PSMA1: variants seen among roughly 807,000 people sequenced by gnomAD.
PSMA1 encodes the protein proteasome subunit alpha type-1.
In PSMA1, 3 loss-of-function variants were observed where a neutral mutation model predicts 38.4. The ratio of observed to expected loss-of-function variants is 0.08; its 90% CI spans 0.04 to 0.20. The LOEUF (loss-of-function observed/expected upper bound fraction) is 0.20, where lower values mean the gene tolerates loss of function less well. Among genes scored for constraint, PSMA1 ranks in the 10% least tolerant of loss-of-function variants. PSMA1 has a pLI of 1.00. For synonymous variants in PSMA1, 101 were observed against 107.1 expected (o/e 0.94, Z 0.35); for missense variants, 227 against 325.3 (o/e 0.70, Z 2.32).
intron 2 of PSMA1, among the ~76,000 whole-genome samples, chr11:14,556,705 C>T (rs571433503): frequency 6.6e-6 from 1 of 152,176 alleles, no homozygotes; most frequent in African/African-American, 2.4e-5. Context: ...AATCTGTTAT[C>T]CATTTTGAGT....
At chr11:14,583,450 T>A (rs1341994220) in intron 2 of PSMA1, among the ~76,000 whole-genome samples, 3 of 152,204 alleles carry the variant, frequency 2.0e-5, no homozygotes, top group Non-Finnish European at 1.5e-5. Context: ...GGCGTTCAGA[T>A]AGACTCCCCA....
intron 1 of PSMA1, among the ~76,000 whole-genome samples, chr11:14,615,395 T>G (rs554282355): frequency 6.6e-6 from 1 of 152,338 alleles, no homozygotes; most frequent in East Asian, 1.9e-4. Flanking sequence ...TCTGGTAGAT[T>G]TGAACAGTGG....
At chr11:14,532,349 A>T (rs544563108) in intron 2 of PSMA1, among the ~76,000 whole-genome samples, 1 of 152,316 alleles carries the variant, frequency 6.6e-6, no homozygotes, top group South Asian at 2.1e-4. Flanking sequence ...TCACGCCTGT[A>T]ATCCCAGCAC....
chr11:14,507,752 T>G lies in PSMA1; in HGVS notation c.639A>C (p.Gly213=). 1 of 1,604,716 alleles carries G rather than the reference T, an allele frequency of 6.2e-7. No homozygotes were observed. Residue 213 remains glycine, a synonymous_variant, in exon 9 of 10, where the codon GGA becomes GGC. Transcript: ENST00000396394. ...QDLTTKNVSI[G]IVGKDLEFTI... is the part of the protein sequence containing the mutation. ...TAAACTCCAAGTCTTTACCAACAATTCCAATGGAAACATTCTGAAGGGTAA... is the reference window on the plus strand; with the variant it reads ...TAAACTCCAAGTCTTTACCAACAATGCCAATGGAAACATTCTGAAGGGTAA...
At chr11:14,508,683 G>A (rs1203043681) in intron 8 of PSMA1, among the ~76,000 whole-genome samples, 1 of 151,882 alleles carries the variant, frequency 6.6e-6, no homozygotes, top group Admixed American at 6.6e-5. Flanking sequence ...CAGAGTGACA[G>A]AGTGACCGTC....
At chr11:14,597,712 T>C (rs930993121) in intron 2 of PSMA1, among the ~76,000 whole-genome samples, 6 of 152,230 alleles carry the variant, frequency 3.9e-5, no homozygotes, top group Non-Finnish European at 5.9e-5. Context: ...CCTAGATTCA[T>C]TGACTTTTTG....
At chr11:14,611,659 A>AT (rs1371511487) in intron 1 of PSMA1, among the ~76,000 whole-genome samples, 4 of 152,086 alleles carry the variant, frequency 2.6e-5, no homozygotes, top group Non-Finnish European at 4.4e-5. Flanking sequence ...TCAGGTGTGC[A>AT]TTTTTTTGTT....
chr11:14,531,430 C>T (rs968416511), intron 2 of PSMA1, among the ~76,000 whole-genome samples: 8 of 152,144 alleles, frequency 5.3e-5, no homozygotes, highest in African/African-American at 1.9e-4. Context: ...GCCTCCAGCT[C>T]CATCCATGTT....
In PSMA1 at chr11:14,513,623, C is replaced by A. The variant is rs528767703; in HGVS notation, c.491G>T (p.Arg164Leu). The change falls in exon 7 of 10, where the codon CGT (arginine) becomes CTT (leucine). Residue 164 changes from arginine (R) to leucine (L), a missense_variant. Coordinates refer to ENST00000396394, the MANE Select transcript of PSMA1 (RefSeq NM_002786.4). ...FDCRAMSIGA[R>L]SQSARTYLER... ...CAAGTAAGTACGAGCTGATTGGGAACGGGCTCCAATGGACATGGCTCTGCA... is the reference window on the plus strand; with the variant it reads ...CAAGTAAGTACGAGCTGATTGGGAAAGGGCTCCAATGGACATGGCTCTGCA... 1.9e-6 allele frequency: 3 copies of A among 1,587,442 alleles called. No individual in the cohort carries two copies. The highest frequency in any genetic ancestry group is 2.6e-6 in the Non-Finnish European group (3 of 1,171,474).
upstream of PSMA1, among the ~76,000 whole-genome samples, chr11:14,522,417 C>A (rs550529798): frequency 7.2e-5 from 11 of 152,200 alleles, no homozygotes; most frequent in African/African-American, 2.4e-4. Flanking sequence ...TCAAAGGGAA[C>A]TTACATTTAC....
At chr11:14,538,506 C>A (rs549597773) in intron 2 of PSMA1, among the ~76,000 whole-genome samples, 1 of 152,226 alleles carries the variant, frequency 6.6e-6, no homozygotes, top group African/African-American at 2.4e-5. Flanking sequence ...CCCCATGCTA[C>A]GCCAGCTTCC....
intron 2 of PSMA1, among the ~76,000 whole-genome samples, chr11:14,532,342 C>T (rs1481009491): frequency 2.0e-5 from 3 of 152,040 alleles, no homozygotes; most frequent in South Asian, 2.1e-4. Flanking sequence ...CGGTGGCTCA[C>T]GCCTGTAATC....
In PSMA1 at chr11:14,520,337, CTG is replaced by C; in HGVS notation, c.-40_-39del. On this transcript the variant is annotated 5_prime_UTR_variant, in exon 1 of 10. Transcript: ENST00000396394. The stretch of plus-strand genomic sequence containing the variant: ...GGCCTGGTTGCGGCCTCCAGCAAAA[CTG>C]AGAATCAAGGAGGTGCTGCCGAAAG... The C allele has an allele frequency of 1.9e-6, 3 of 1,614,178 alleles. No homozygotes were observed. Among genetic ancestry groups the C allele is most frequent in the Non-Finnish European group, 1.7e-6 (2 of 1,180,012 alleles).
intron 1 of PSMA1, among the ~76,000 whole-genome samples, chr11:14,616,168 G>GA (rs1168141533): frequency 6.6e-6 from 1 of 150,874 alleles, no homozygotes; most frequent in East Asian, 1.9e-4. Flanking sequence ...ACGACTGTAA[G>GA]AACTGTGTAA....
chr11:14,524,442 C>G (rs948718942), upstream of PSMA1, among the ~76,000 whole-genome samples: 1 of 152,170 alleles, frequency 6.6e-6, no homozygotes, highest in Non-Finnish European at 1.5e-5. Context: ...TAATCTCCCC[C>G]ACCCTTAAGA....
At chr11:14,536,249 G>A (rs948053043) in intron 2 of PSMA1, among the ~76,000 whole-genome samples, 59 of 152,266 alleles carry the variant, frequency 3.9e-4, no homozygotes, top group Non-Finnish European at 2.2e-4. Flanking sequence ...CTCTTAGGCC[G>A]CGCGAGGTGG....
chr11:14,524,091 C>T (rs1330114371), upstream of PSMA1, among the ~76,000 whole-genome samples: 4 of 91,368 alleles, frequency 4.4e-5, no homozygotes, highest in Admixed American at 3.6e-4. Context: ...GCCTGAGCAA[C>T]ATAGCAAGAC....
Position 14,533,478 on chromosome 11 carries a change from G to C in PSMA1, c.22-14437C>G, listed in dbSNP as rs139129893. Among the ~76,000 whole-genome samples the C allele has an allele frequency of 5.5e-4, 84 of 152,270 alleles. 3 individuals carry two copies. In the East Asian group the frequency reaches 0.013, roughly 23 times the overall value. On this transcript the variant is annotated intron_variant, in intron 2 of 10. Coordinates refer to the PSMA1 transcript ENST00000418988. ...ACCCCATGTGGCTTTCCTCTTTGAG[G>C]TTTTGCCACTATCTGGGCTTTGTTA... is the stretch of plus-strand genomic sequence containing the variant.
intron 7 of PSMA1, chr11:14,513,355 A>C: frequency 4.5e-6 from 2 of 448,530 alleles, no homozygotes; most frequent in Non-Finnish European, 7.1e-6. Context: ...TTATATTTTG[A>C]AAAAGTTCTA....
Sources: allele counts gnomAD v4.1 joint callset (sites outside exome capture counted in the v4.1 genomes callset), GRCh38; gene constraint gnomAD v4.1.1; transcripts MANE v1.5; gene names NCBI Gene and HGNC (gene_info 2026-07-23, HGNC 2026-07-21).